Variants in MYH7B observed in about 807,000 individuals in gnomAD.
The protein encoded by MYH7B is myosin-7B.
A neutral mutation model predicts 234.5 loss-of-function variants in MYH7B; 205 were observed. The ratio of observed to expected loss-of-function variants is 0.87; its 90% CI spans 0.78 to 0.98. The LOEUF is 0.98. Among genes scored for constraint, MYH7B ranks in the 50% least tolerant of loss-of-function variants. The pLI, the probability that MYH7B is intolerant of heterozygous loss-of-function variation, is 0.00. For synonymous variants in MYH7B, 1,193 were observed against 1,105.0 expected, an observed-to-expected ratio of 1.08 and a Z score of -1.58; for missense variants, 2,652 against 2,633.4, an observed-to-expected ratio of 1.01 and a Z score of -0.15.
At chr20:34,992,055 G>A (rs1600453969) in intron 24 of MYH7B, among the ~76,000 whole-genome samples, 1 of 152,190 alleles carries the variant, frequency 6.6e-6, no homozygotes, top group South Asian at 2.1e-4. Flanking sequence ...CTTAGAAGTG[G>A]GCAGGCTGGG....
exon 17 of MYH7B, chr20:34,987,582 G>A (rs779604402): frequency 6.2e-7 from 1 of 1,613,692 alleles, no homozygotes; most frequent in Admixed American, 1.7e-5. Context: ...CCTACCTGAT[G>A]GGGGTCAGCA....
At chr20:34,992,123 C>T (rs1000122977) in intron 24 of MYH7B, among the ~76,000 whole-genome samples, 3 of 152,190 alleles carry the variant, frequency 2.0e-5, no homozygotes, top group Non-Finnish European at 2.9e-5. Context: ...CGGTGGCTAA[C>T]GCCTGTAATC....
chr20:34,979,279 G>T, intron 5 of MYH7B, 111 bp from the exon 6 acceptor site: 1 of 782,778 alleles, frequency 1.3e-6, no homozygotes, highest in Non-Finnish European at 2.0e-6. Flanking sequence ...TCCTGGCAGA[G>T]GGGCTTTGGG....
chr20:34,996,451 C>G (rs752357264), exon 29 of MYH7B: 1 of 1,613,318 alleles, frequency 6.2e-7, no homozygotes, highest in East Asian at 2.2e-5. Flanking sequence ...CCTGGGTGAC[C>G]TGCAGGCCGA....
Position 34,986,980 on chromosome 20 carries a change from C to T in MYH7B, c.999C>T (p.Ile333=), listed in dbSNP as rs745978061. The T allele has an allele frequency of 8.1e-6, 13 of 1,613,386 alleles. No individual in the cohort carries two copies. In the East Asian group the frequency reaches 8.9e-5, roughly 11 times the overall value. The change falls in exon 15 of 45, where the codon ATC becomes ATT. Residue 333 remains isoleucine, a synonymous_variant. Transcript: ENST00000262873. ...ACATGAATGATGGGGAGGAGCTCATCGCCACCGACGTATGAGCTCTGGTGG... is the reference window on the plus strand; with the variant it reads ...ACATGAATGATGGGGAGGAGCTCATTGCCACCGACGTATGAGCTCTGGTGG...
intron 13 of MYH7B, 138 bp from the exon 14 acceptor site, chr20:34,985,962 C>T (rs574245255): frequency 1.1e-5 from 8 of 707,546 alleles, no homozygotes; most frequent in East Asian, 8.1e-5. Flanking sequence ...GGGAGATACC[C>T]TCCCCACACA....
rs200981858 is a variant in MYH7B at position 34,979,419 on chromosome 20, C to G, written c.121C>G (p.Gln41Glu). Residue 41 changes from glutamine (Q) to glutamate (E), a missense_variant, in exon 6 of 45, where the codon CAG (glutamine) becomes GAG (glutamate). By Grantham distance (29) the Gln-to-Glu change is conservative. Transcript: ENST00000262873. ...GAAGCGAGTCTGGGTGCCTGATGAA[C>G]AGGACGCCTACGTGGAGGCCGAGGT... 2.0e-5 allele frequency: 33 copies of G among 1,613,824 alleles called. No individual in the cohort carries two copies. Among genetic ancestry groups the G allele is most frequent in the Middle Eastern group, 1.7e-4 (1 of 6,058 alleles).
intron 2 of MYH7B, among the ~76,000 whole-genome samples, chr20:34,968,226 C>G (rs2147155000): frequency 6.6e-6 from 1 of 152,342 alleles, no homozygotes; most frequent in Non-Finnish European, 1.5e-5. Context: ...GCAGTCCTGA[C>G]ATGTGGCAGG....
chr20:34,975,551 T>G (rs940699980), intron 3 of MYH7B, 52 bp downstream of exon 3: 1 of 711,114 alleles, frequency 1.4e-6, no homozygotes, highest in Non-Finnish European at 2.6e-6. Flanking sequence ...CATCAAACTT[T>G]ATAAGATCAT....
At chr20:34,977,775 C>A in intron 4 of MYH7B, 95 bp downstream of exon 4, 1 of 1,506,556 alleles carries the variant, frequency 6.6e-7, no homozygotes, top group Non-Finnish European at 9.1e-7. Flanking sequence ...TCTTCTGAAT[C>A]TGGAGTGGAG....
intron 2 of MYH7B, among the ~76,000 whole-genome samples, chr20:34,971,891 G>C (rs56255027): frequency 0.034 from 5,134 of 152,280 alleles, 289 homozygotes; most frequent in African/African-American, 0.12. Flanking sequence ...TCACAGTCCA[G>C]CCCACTACCC....
In MYH7B at chr20:34,993,281, G is replaced by T. The variant is rs537188454; in HGVS notation, c.2308-53G>T. 3.4e-5 allele frequency: 55 copies of T among 1,613,992 alleles called. 1 individual carries two copies. In the East Asian group the frequency reaches 1.2e-3, roughly 34 times the overall value. ...TGGCTGTGGCGGTCACACTGGGCAG[G>T]GTTCATGCGGATGGTTGGGGGTTAC... is the stretch of plus-strand genomic sequence containing the variant. On this transcript the variant is annotated intron_variant, in intron 25 of 44. Coordinates refer to ENST00000262873, the Ensembl canonical transcript of MYH7B.
At chr20:34,962,330 A>G (rs188456587) in intron 2 of MYH7B, among the ~76,000 whole-genome samples, 1 of 152,168 alleles carries the variant, frequency 6.6e-6, no homozygotes, top group South Asian at 2.1e-4. Flanking sequence ...TTGCCGGGTA[A>G]TATGGTAAGT....
chr20:34,999,389 G>C, exon 36 of MYH7B: 1 of 1,522,028 alleles, frequency 6.6e-7, no homozygotes, highest in Non-Finnish European at 8.8e-7. Flanking sequence ...TCAAGCGGGA[G>C]AACAAGAACC....
At chr20:34,998,672 A>AG (rs2082308842) in intron 34 of MYH7B, 43 bp downstream of exon 34, 1 of 1,612,326 alleles carries the variant, frequency 6.2e-7, no homozygotes, top group Non-Finnish European at 8.5e-7. Context: ...GGTGGGCACC[A>AG]GAGCCACTGG....
In MYH7B at chr20:35,002,092, A is replaced by C. The variant is rs763076916; in HGVS notation, c.5814+7A>C. On this transcript the variant is annotated splice_region_variant and intron_variant, in intron 44 of 44. Coordinates refer to ENST00000262873, the Ensembl canonical transcript of MYH7B. Reference sequence around the variant, plus strand: ...GGACGCCCTGGGCCCCAAGGTGAGGAGTGGCAGGGGCATTGCTCTCTGTGC... The same window carrying C: ...GGACGCCCTGGGCCCCAAGGTGAGGCGTGGCAGGGGCATTGCTCTCTGTGC... 1.1e-5 allele frequency: 18 copies of C among 1,613,444 alleles called. No individual in the cohort carries two copies. The highest frequency in any genetic ancestry group is 1.4e-5 in the Non-Finnish European group (17 of 1,179,886).
chr20:34,957,054 AAAAAC>A (rs1365342400), intron 1 of MYH7B, among the ~76,000 whole-genome samples: 12 of 152,200 alleles, frequency 7.9e-5, no homozygotes, highest in African/African-American at 2.4e-4. Context: ...ACCCTGTCCT[AAAAAC>A]AAAACAAACG....
At chr20:34,993,008 C>A (rs188678783) in intron 24 of MYH7B, 94 bp from the exon 25 acceptor site, 3 of 1,481,380 alleles carry the variant, frequency 2.0e-6, no homozygotes, top group African/African-American at 1.4e-5. Context: ...CCCTGCTACC[C>A]ACACGAGCCT....
exon 35 of MYH7B, chr20:34,998,757 G>T (rs762851834): frequency 6.2e-7 from 1 of 1,612,652 alleles, no homozygotes; most frequent in Admixed American, 1.7e-5. Context: ...AGGCTCTGCG[G>T]CACGACTGTG....
Sources: allele counts gnomAD v4.1 joint callset (sites outside exome capture counted in the v4.1 genomes callset), GRCh38; gene constraint gnomAD v4.1.1; transcripts MANE v1.5; gene names NCBI Gene and HGNC (gene_info 2026-07-23, HGNC 2026-07-21).